Variants in UTY observed in about 807,000 individuals in gnomAD.
UTY encodes ubiquitously transcribed tetratricopeptide repeat containing, Y-linked, also known as histone demethylase UTY.
UTY carries 12 observed loss-of-function variants against 32.5 expected under a neutral mutation model. That is an observed-to-expected ratio of 0.37 (90% CI 0.24 to 0.60). UTY has a LOEUF of 0.60. Among genes scored for constraint, UTY ranks in the 20% least tolerant of loss-of-function variants. The probability of loss-of-function intolerance (pLI) is 0.69; values close to 1 mark genes in which losing one functional copy is unlikely to be tolerated. For missense variants in UTY, 303 were observed against 299.2 expected, an observed-to-expected ratio of 1.01 and a Z score of -0.09; for synonymous variants, 131 against 103.4, an observed-to-expected ratio of 1.27 and a Z score of -1.62.
intron 8 of UTY, chrY:13,393,194 A>C: frequency 8.9e-5 from 3 of 33,733 alleles, no homozygotes; most frequent in Non-Finnish European, 1.5e-4. Context: ...TCAGCTACTC[A>C]TAATATGAAA....
chrY:13,326,400 C>A (rs1603404677), intron 18 of UTY, 50 bp from the exon 19 acceptor site: 1 of 340,400 alleles, frequency 2.9e-6, no homozygotes, highest in South Asian at 3.7e-5. Flanking sequence ...TATTTTAAAA[C>A]TAGAAAAAAA....
At chrY:13,468,976 A>G in intron 3 of UTY, among the ~76,000 whole-genome samples, 1 of 33,056 alleles carries the variant, frequency 3.0e-5, no homozygotes, top group Non-Finnish European at 7.4e-5. Context: ...CTCTAATCCT[A>G]AAATAGTCAA....
chrY:13,390,958 T>C, intron 8 of UTY, among the ~76,000 whole-genome samples: 2 of 33,763 alleles, frequency 5.9e-5, no homozygotes, highest in Non-Finnish European at 1.5e-4. Flanking sequence ...TACTACATTT[T>C]ATATTTCAGC....
At chrY:13,427,797 A>C (rs2073495195) in intron 4 of UTY, among the ~76,000 whole-genome samples, 7 of 33,859 alleles carry the variant, frequency 2.1e-4, no homozygotes, top group Admixed American at 1.9e-3. Flanking sequence ...CATCACAGGT[A>C]AACTGCTCTC....
At chrY:13,263,967 C>A in intron 27 of UTY, among the ~76,000 whole-genome samples, 1 of 33,573 alleles carries the variant, frequency 3.0e-5, no homozygotes, top group East Asian at 7.9e-4. Flanking sequence ...TGTGATGTTC[C>A]CCTCCGTGTC....
intron 18 of UTY, among the ~76,000 whole-genome samples, chrY:13,327,077 T>C (rs2060301849): frequency 3.0e-5 from 1 of 33,630 alleles, no homozygotes; most frequent in Non-Finnish European, 7.4e-5. Context: ...ATTCTTCTTT[T>C]AGTATGCAAA....
At chrY:13,419,741 C>T in intron 4 of UTY, among the ~76,000 whole-genome samples, 1 of 33,569 alleles carries the variant, frequency 3.0e-5, no homozygotes, top group Non-Finnish European at 7.4e-5. Context: ...ACTGGGAACA[C>T]AGGCAACAAG....
chrY:13,311,546 G>A, intron 21 of UTY, among the ~76,000 whole-genome samples: 1 of 26,149 alleles, frequency 3.8e-5, no homozygotes, highest in Admixed American at 3.4e-4. Context: ...AGTGAGCCGA[G>A]ATCGCGCCAC....
chrY:13,250,118 T>C, intron 29 of UTY, among the ~76,000 whole-genome samples: 1 of 33,528 alleles, frequency 3.0e-5, no homozygotes. Flanking sequence ...CCTCTTGGAT[T>C]CAAGCAATTC....
chrY:13,418,225 C>T, intron 4 of UTY, among the ~76,000 whole-genome samples: 1 of 30,960 alleles, frequency 3.2e-5, no homozygotes, highest in Non-Finnish European at 7.7e-5. Context: ...CATGGCCCTA[C>T]AAAGGACATG....
chrY:13,432,125 T>C (rs1028069856), intron 4 of UTY, among the ~76,000 whole-genome samples: 1 of 33,694 alleles, frequency 3.0e-5, no homozygotes. Context: ...CTGAAAAAGA[T>C]ACACAAAATT....
At chrY:13,256,293 G>A (rs2054715915) in intron 28 of UTY, among the ~76,000 whole-genome samples, 1 of 33,540 alleles carries the variant, frequency 3.0e-5, no homozygotes, top group African/African-American at 1.2e-4. Context: ...AGAGTTACAA[G>A]TGACTGAGAA....
chrY:13,479,623 A>G lies in UTY; in HGVS notation c.43T>C (p.Phe15Leu). 1 of 397,503 alleles carries G rather than the reference A, an allele frequency of 2.5e-6. No individual in the cohort carries two copies. Among genetic ancestry groups the G allele is most frequent in the Non-Finnish European group, 3.5e-6 (1 of 282,880 alleles). ...GCCATTTTCTTTGCCTCATCACCGA[A>G]GGCAACAGCGGCGGTAGTGAGCGAC... ...AVSLTTAAVAFGDEAKKMAEG... is the reference protein window; with the variant it reads ...AVSLTTAAVALGDEAKKMAEG... The change falls in exon 1 of 30, where the codon TTC (phenylalanine) becomes CTC (leucine). Residue 15 changes from phenylalanine (F) to leucine (L), a missense_variant. Physicochemically the swap from Phe to Leu is conservative, Grantham distance 22 (BLOSUM62 0). Transcript: ENST00000545955.
Position 13,291,618 on chromosome Y carries a change from C to T in UTY, c.4010+6089G>A, listed in dbSNP as rs778324548. ...CATGCTAGGCTTAATACCAGGGTGA[C>T]GGGTTGACAGTTGCAGCAGATCACC... On this transcript the variant is annotated intron_variant, in intron 27 of 29. Transcript: ENST00000545955. 1.8e-4 allele frequency among the ~76,000 whole-genome samples: 6 copies of T among 32,854 alleles called. No individual in the cohort carries two copies. In the East Asian group the frequency reaches 4.7e-3, roughly 26 times the overall value. 88.1% of individuals were successfully genotyped at this position (32,854 alleles called of 37,273 possible). A position where few individuals can be genotyped will look rare whatever the true frequency, so the allele number is the denominator to read the frequency against.
At chrY:13,300,906 T>A in intron 25 of UTY, among the ~76,000 whole-genome samples, 1 of 31,674 alleles carries the variant, frequency 3.2e-5, no homozygotes, top group South Asian at 7.2e-4. Context: ...TTTTTTTTTT[T>A]ATGTGGAGAC....
intron 4 of UTY, among the ~76,000 whole-genome samples, chrY:13,425,088 T>C (rs2073110140): frequency 3.0e-5 from 1 of 33,485 alleles, no homozygotes; most frequent in Non-Finnish European, 7.4e-5. Context: ...CATATACACA[T>C]TATCAAAAAA....
Position 13,260,381 on chromosome Y carries a change from T to C in UTY, c.4034A>G (p.Lys1345Arg). The C allele has an allele frequency of 2.5e-6, 1 of 394,183 alleles. No homozygotes were observed. The highest frequency in any genetic ancestry group is 3.6e-6 in the Non-Finnish European group (1 of 280,348). ...MIKYCLLKILKQYQTLREALV... is the reference protein window; with the variant it reads ...MIKYCLLKILRQYQTLREALV... ...AGCTTCTCTCAATGTCTGATATTGC[T>C]TCAGAATTTTCAAAAGACAATACCT... Residue 1345 changes from lysine to arginine, a missense_variant, in exon 28 of 30, where the codon AAG becomes AGG. By Grantham distance (26) the Lys-to-Arg change is conservative. Transcript: ENST00000545955.
intron 6 of UTY, among the ~76,000 whole-genome samples, chrY:13,399,937 C>T: frequency 3.0e-5 from 1 of 33,583 alleles, no homozygotes; most frequent in Non-Finnish European, 7.4e-5. Flanking sequence ...CAAATATTTA[C>T]CTTTCCACAA....
chrY:13,243,537 G>GA (rs2053924813), downstream of UTY, among the ~76,000 whole-genome samples: 1 of 32,815 alleles, frequency 3.0e-5, no homozygotes, highest in African/African-American at 1.2e-4. Flanking sequence ...CACAGAAGGG[G>GA]AAAAAATATT....
Sources: gnomAD v4.1 joint callset for allele counts (sites outside exome capture counted in the v4.1 genomes callset) on GRCh38, gnomAD v4.1.1 for gene constraint, MANE v1.5 for transcripts, NCBI Gene and HGNC (gene_info 2026-07-23, HGNC 2026-07-21) for gene names.